Variants in ATP8A2 observed in about 807,000 individuals in gnomAD.
The protein encoded by ATP8A2 is phospholipid-transporting ATPase IB.
In ATP8A2, 100 loss-of-function variants were observed where a neutral mutation model predicts 165.6. The ratio of observed to expected loss-of-function variants is 0.60; its 90% CI spans 0.51 to 0.71. ATP8A2 has a LOEUF of 0.71. Among genes scored for constraint, ATP8A2 ranks in the 30% least tolerant of loss-of-function variants. ATP8A2 has a pLI of 0.00. For synonymous variants in ATP8A2, 543 were observed against 548.8 expected (o/e 0.99, Z 0.15); for missense variants, 1,227 against 1,479.5 (o/e 0.83, Z 2.80).
intron 24 of ATP8A2, among the ~76,000 whole-genome samples, chr13:25,675,234 CATTGCATG>C (rs992143152): frequency 3.3e-5 from 5 of 152,208 alleles, no homozygotes; most frequent in Non-Finnish European, 5.9e-5. Context: ...TTTGGATTTG[CATTGCATG>C]ACCCGTAATA....
chr13:25,752,776 T>C (rs1274952048), intron 25 of ATP8A2, among the ~76,000 whole-genome samples: 1 of 152,194 alleles, frequency 6.6e-6, no homozygotes, highest in Non-Finnish European at 1.5e-5. Context: ...GTTGCCAAAC[T>C]CTGTTCAAAG....
Position 25,437,458 on chromosome 13 carries a change from C to T in ATP8A2, c.77-31519C>T, listed in dbSNP as rs114998379. 8.5e-3 allele frequency among the ~76,000 whole-genome samples: 1,294 copies of T among 152,258 alleles called. 20 individuals carry two copies. The highest frequency in any genetic ancestry group is 0.029 in the African/African-American group (1,198 of 41,534). On this transcript the variant is annotated intron_variant, in intron 1 of 36. Coordinates refer to ENST00000381655, the MANE Select transcript of ATP8A2 (RefSeq NM_016529.6). Reference sequence around the variant, plus strand: ...ATGTTTACATATTTTGCTCCCTCCTCCTCCAGGGATATGTTCTTGCTAGGA... The same window carrying T: ...ATGTTTACATATTTTGCTCCCTCCTTCTCCAGGGATATGTTCTTGCTAGGA...
intron 25 of ATP8A2, among the ~76,000 whole-genome samples, chr13:25,718,284 C>T (rs895062238): frequency 1.3e-5 from 2 of 152,156 alleles, no homozygotes; most frequent in African/African-American, 4.8e-5. Context: ...GAGGAAGCCT[C>T]AAATCTAAAA....
At position 26,020,135 on chromosome 13, in the gene ATP8A2, T is replaced by C. The variant is rs925738261; in HGVS notation, c.*150T>C. 1 of 638,446 alleles carries C rather than the reference T, an allele frequency of 1.6e-6. No homozygotes were observed. Among genetic ancestry groups the C allele is most frequent in the African/African-American group, 1.8e-5 (1 of 54,774 alleles). The allele number at this position is 638,446 out of a possible 1,614,324, so 39.5% of individuals were successfully genotyped here. ...TTAGCCAAGCAGTTTGTTAGTTACA[T>C]ATTCCCTCGCAAACCTGGAGTGCAG... On this transcript the variant is annotated 3_prime_UTR_variant, in exon 37 of 37. Transcript: ENST00000381655.
chr13:25,672,190 C>CG (rs1333577137), intron 24 of ATP8A2, among the ~76,000 whole-genome samples: 1 of 151,892 alleles, frequency 6.6e-6, no homozygotes, highest in Non-Finnish European at 1.5e-5. Context: ...TATGTTTGTT[C>CG]GGGGGGCCTA....
intron 15 of ATP8A2, among the ~76,000 whole-genome samples, chr13:25,562,710 T>A (rs542565489): frequency 1.3e-5 from 1 of 75,850 alleles, no homozygotes. Flanking sequence ...AACCCTGTTT[T>A]GGGAGGATGC....
At chr13:25,413,278 G>GTTTTTTTTTTTTTTTTTTTTTTTTTTT (rs1195456593) in intron 1 of ATP8A2, among the ~76,000 whole-genome samples, 5 of 105,262 alleles carry the variant, frequency 4.8e-5, no homozygotes, top group Admixed American at 1.1e-4. Context: ...CTTTTTCTTT[G>GTTTTTTTTTTTTTTTTTTTTTTTTTTT]TTTTTTTTTT....
At chr13:25,988,494 C>A (rs891932579) in intron 35 of ATP8A2, among the ~76,000 whole-genome samples, 8 of 152,154 alleles carry the variant, frequency 5.3e-5, no homozygotes, top group African/African-American at 1.9e-4. Context: ...ACACACATTA[C>A]TTTTTTTCTA....
chr13:25,972,657 C>T (rs1027039782), intron 35 of ATP8A2, among the ~76,000 whole-genome samples: 30 of 152,096 alleles, frequency 2.0e-4, no homozygotes, highest in African/African-American at 6.5e-4. Flanking sequence ...CCCTGCATGT[C>T]GTTATTTTGA....
At chr13:26,005,379 G>GA (rs1471947620) in intron 35 of ATP8A2, among the ~76,000 whole-genome samples, 1 of 151,638 alleles carries the variant, frequency 6.6e-6, no homozygotes, top group Admixed American at 6.6e-5. Context: ...CTTATCTTTG[G>GA]AAAAAAACAA....
At chr13:25,846,193 A>AG (rs1951859919) in intron 30 of ATP8A2, among the ~76,000 whole-genome samples, 1 of 152,188 alleles carries the variant, frequency 6.6e-6, no homozygotes, top group Non-Finnish European at 1.5e-5. Flanking sequence ...AACAAAAAAA[A>AG]AGATTAAAGA....
At chr13:25,683,754 AAGGCCAAGTTT>A (rs1390766085) in intron 24 of ATP8A2, among the ~76,000 whole-genome samples, 1 of 151,908 alleles carries the variant, frequency 6.6e-6, no homozygotes, top group African/African-American at 2.4e-5. Context: ...GATGGTCAAG[AAGGCCAAGTTT>A]AGCCTACAGT....
At position 25,713,239 on chromosome 13, in the gene ATP8A2, G is replaced by A. The variant is rs56337018; in HGVS notation, c.2384+13894G>A. The stretch of plus-strand genomic sequence containing the variant: ...GCATCTTCTATTTCTAACTTGAAAG[G>A]CATTTTTTACAACTCTGTGTAACAA... On this transcript the variant is annotated intron_variant, in intron 25 of 36. Transcript: ENST00000381655. Among the ~76,000 whole-genome samples the A allele has an allele frequency of 3.9e-3, 586 of 152,186 alleles. 2 individuals are homozygous for A. The highest frequency in any genetic ancestry group is 6.7e-3 in the Non-Finnish European group (458 of 68,000).
At chr13:25,413,483 T>C (rs2034038216) in intron 1 of ATP8A2, among the ~76,000 whole-genome samples, 1 of 152,096 alleles carries the variant, frequency 6.6e-6, no homozygotes, top group South Asian at 2.1e-4. Flanking sequence ...AGTTTTGCCA[T>C]GTTGGCCAGG....
chr13:25,783,324 G>A (rs1028380906), intron 27 of ATP8A2, among the ~76,000 whole-genome samples: 1 of 152,188 alleles, frequency 6.6e-6, no homozygotes, highest in Non-Finnish European at 1.5e-5. Context: ...ATGTTGGTGG[G>A]AAAACTACTT....
At chr13:25,681,564 C>T (rs958401202) in intron 24 of ATP8A2, among the ~76,000 whole-genome samples, 2 of 152,196 alleles carry the variant, frequency 1.3e-5, no homozygotes, top group East Asian at 1.9e-4. Flanking sequence ...GGAGCTGGTC[C>T]GAGACGTCTC....
chr13:25,827,995 G>A lies in ATP8A2; in HGVS notation c.2680-123G>A. On this transcript the variant is annotated intron_variant, in intron 27 of 36. Transcript: ENST00000381655. ...TAAAGGAACAACTGCTGCAGTCCCTGTGGCTCATGATTCCTTAGCAGCTGT... is the reference window on the plus strand; with the variant it reads ...TAAAGGAACAACTGCTGCAGTCCCTATGGCTCATGATTCCTTAGCAGCTGT... The A allele has an allele frequency of 2.7e-6, 2 of 752,338 alleles. 1 individual carries two copies. The highest frequency in any genetic ancestry group is 3.1e-5 in the South Asian group (2 of 64,256). The allele number at this position is 752,338 out of a possible 1,614,324, so 46.6% of individuals were successfully genotyped here.
In ATP8A2 at chr13:25,567,321, C is replaced by A. The variant is rs578222715; in HGVS notation, c.1473+3290C>A. ...TACCTCTCCCATTGCCTTCCCCTAC[C>A]CACTGCTTTTTCCTGACTCCTCCTT... On this transcript the variant is annotated intron_variant, in intron 16 of 36. Transcript: ENST00000381655. 14 of 456,698 alleles carry A rather than the reference C, an allele frequency of 3.1e-5. 1 individual carries two copies. The highest frequency in any genetic ancestry group is 2.4e-4 in the African/African-American group (12 of 50,186). 28.3% of individuals were successfully genotyped at this position (456,698 alleles called of 1,614,324 possible). A position where few individuals can be genotyped will look rare whatever the true frequency, so the allele number is the denominator to read the frequency against.
chr13:25,773,595 C>T (rs1340414544), intron 26 of ATP8A2, among the ~76,000 whole-genome samples: 1 of 152,240 alleles, frequency 6.6e-6, no homozygotes, highest in Non-Finnish European at 1.5e-5. Flanking sequence ...GACCCACCAG[C>T]AGCCCCTGAC....
Sources: allele counts gnomAD v4.1 joint callset (sites outside exome capture counted in the v4.1 genomes callset), GRCh38; gene constraint gnomAD v4.1.1; transcripts MANE v1.5; gene names NCBI Gene and HGNC (gene_info 2026-07-23, HGNC 2026-07-21).